Variants in CTSV observed in about 807,000 individuals in gnomAD.
CTSV encodes the protein cathepsin L2.
A neutral mutation model predicts 35.6 loss-of-function variants in CTSV; 33 were observed. That is an observed-to-expected ratio of 0.93 (90% CI 0.70 to 1.24). CTSV has a LOEUF of 1.24. CTSV is among the 50% of genes most tolerant of loss of function. The pLI is 0.00. For missense variants in CTSV, 408 were observed against 413.1 expected, an observed-to-expected ratio of 0.99 and a Z score of 0.11; for synonymous variants, 154 against 147.1, an observed-to-expected ratio of 1.05 and a Z score of -0.34.
rs746888599 is a variant in CTSV at position 97,029,900 on chromosome 9, TGTACA to T, written c.*3044_*3048del. ...AATACTTACCACTGTGTTACAACTG[TGTACA>T]GTACTCAGCACAGTGATGTGTTGCA... On this transcript the variant is annotated 3_prime_UTR_variant, in exon 8 of 8. Transcript: ENST00000259470. 1 of 152,224 alleles carries T rather than the reference TGTACA, an allele frequency of 6.6e-6. No homozygotes were observed. Among genetic ancestry groups the T allele is most frequent in the Non-Finnish European group, 1.5e-5 (1 of 68,042 alleles). The allele number at this position is 152,224 out of a possible 1,614,324, so 9.4% of individuals were successfully genotyped here.
intron 4 of CTSV, 71 bp from the exon 5 acceptor site, chr9:97,036,818 ACC>A (rs1828860527): frequency 3.3e-6 from 4 of 1,221,588 alleles, no homozygotes; most frequent in Admixed American, 5.8e-5. Flanking sequence ...TAATTGAATT[ACC>A]TTAATATTCT....
rs760021696 is a variant in CTSV, at chr9:97,037,371, C to T, written c.277G>A (p.Gly93Ser). 6.2e-7 allele frequency: 1 copy of T among 1,613,984 alleles called. No individual in the cohort carries two copies. The highest frequency in any genetic ancestry group is 1.3e-5 in the African/African-American group (1 of 74,906). ...CTGAATTTCTGGTTTCGAAAGCAACCCATCATCTGCCTGAATTCTTCATTG... is the reference window on the plus strand; with the variant it reads ...CTGAATTTCTGGTTTCGAAAGCAACTCATCATCTGCCTGAATTCTTCATTG... ...MTNEEFRQMM[G>S]CFRNQKFRKG... Residue 93 changes from glycine (G) to serine (S), a missense_variant, in exon 4 of 8, where the codon GGT (glycine) becomes AGT (serine). Physicochemically the swap from Gly to Ser is moderately conservative, Grantham distance 56. Transcript: ENST00000259470.
At chr9:97,039,334 G>A (rs186843185), upstream of CTSV, 1 of 152,934 alleles carries the variant, frequency 6.5e-6, no homozygotes, top group Non-Finnish European at 1.5e-5. Flanking sequence ...GCTGCGGGAA[G>A]CTGGGCCGGG....
intron 1 of CTSV, 55 bp from the exon 2 acceptor site, chr9:97,038,108 TACAGCCCCCGTG>T: frequency 6.5e-7 from 1 of 1,530,982 alleles, no homozygotes; most frequent in Non-Finnish European, 9.0e-7. Flanking sequence ...AAAGCCATCT[TACAGCCCCCGTG>T]GAATAGAAAT....
Position 97,036,657 on chromosome 9 carries a change from C to G in CTSV, c.487G>C (p.Glu163Gln). 1 of 1,614,010 alleles carries G rather than the reference C, an allele frequency of 6.2e-7. No individual in the cohort carries two copies. The highest frequency in any genetic ancestry group is 1.1e-5 in the South Asian group (1 of 91,066). Residue 163 changes from glutamate (E) to glutamine (Q), a missense_variant, in exon 5 of 8, where the codon GAG (glutamate) becomes CAG (glutamine). By Grantham distance (29) the Glu-to-Gln change is conservative (BLOSUM62 2). Coordinates refer to ENST00000259470, the MANE Select transcript of CTSV (RefSeq NM_001333.4). The stretch of plus-strand genomic sequence containing the variant: ...CGCGAACAGTCCACCAGATTCTGCT[C>G]GCTCAGTGAGACAAGTTTCCCAGTT... ...RKTGKLVSLS[E>Q]QNLVDCSRPQ... is the part of the protein sequence containing the mutation.
At chr9:97,038,947 G>C (rs1828906962) in intron 1 of CTSV, 124 bp downstream of exon 1, 1 of 152,528 alleles carries the variant, frequency 6.6e-6, no homozygotes, top group Non-Finnish European at 1.5e-5. Flanking sequence ...CCTCGAGGCT[G>C]GCAGAGCTCC....
Position 97,029,799 on chromosome 9 carries a change from G to C in CTSV, c.*3150C>G, listed in dbSNP as rs1449104288. 6.6e-6 allele frequency: 1 copy of C among 152,244 alleles called. No homozygotes were observed. The highest frequency in any genetic ancestry group is 3.2e-3 in the Middle Eastern group (1 of 316). The allele number at this position is 152,244 out of a possible 1,614,324, so 9.4% of individuals were successfully genotyped here. Reference sequence around the variant, plus strand: ...CATGTGCTGTGTGATGTTTTGGTCAGTGACTGCATATATGATAGTGGTCCC... The same window carrying C: ...CATGTGCTGTGTGATGTTTTGGTCACTGACTGCATATATGATAGTGGTCCC... On this transcript the variant is annotated 3_prime_UTR_variant, in exon 8 of 8. Transcript: ENST00000259470.
intron 7 of CTSV, among the ~76,000 whole-genome samples, chr9:97,033,901 T>C (rs1034817069): frequency 5.9e-5 from 9 of 151,738 alleles, no homozygotes; most frequent in African/African-American, 2.2e-4. Context: ...GACAGCAGCC[T>C]GGCATACATG....
Position 97,037,916 on chromosome 9 carries a change from A to G in CTSV, c.126+2T>C. 1.2e-6 allele frequency: 2 copies of G among 1,613,916 alleles called. No individual in the cohort carries two copies. Among genetic ancestry groups the G allele is most frequent in the Non-Finnish European group, 1.7e-6 (2 of 1,179,876 alleles). ...CTCTGGACAGTTTCAGATGTTACCA[A>G]CCGCGCCATATAATCTTCTGTGTGT... On this transcript the variant is annotated splice_donor_variant, in intron 2 of 7. Transcript: ENST00000259470. LOFTEE classifies it high-confidence loss of function.
chr9:97,039,168 A>G (rs1044082434), upstream of CTSV: 4 of 152,248 alleles, frequency 2.6e-5, no homozygotes, highest in Admixed American at 2.6e-4. Context: ...TCGGGATTTA[A>G]GTTTCCAGGC....
Sources: allele counts gnomAD v4.1 joint callset (sites outside exome capture counted in the v4.1 genomes callset), GRCh38; gene constraint gnomAD v4.1.1; transcripts MANE v1.5; gene names NCBI Gene and HGNC (gene_info 2026-07-23, HGNC 2026-07-21).